AK8: variants seen among roughly 807,000 people sequenced by gnomAD.
AK8 encodes the protein ATP-AMP transphosphorylase 8.
A neutral mutation model predicts 54.6 loss-of-function variants in AK8; 44 were observed. That is an observed-to-expected ratio of 0.81 (90% CI 0.63 to 1.04). The LOEUF is 1.04. Among genes scored for constraint, AK8 ranks in the 50% least tolerant of loss-of-function variants. The probability of loss-of-function intolerance (pLI) is 0.00; values close to 1 mark genes in which losing one functional copy is unlikely to be tolerated. For missense variants in AK8, 555 were observed against 613.6 expected, an observed-to-expected ratio of 0.90 and a Z score of 1.01; for synonymous variants, 239 against 245.6, an observed-to-expected ratio of 0.97 and a Z score of 0.25.
At chr9:132,737,283 G>A (rs544624308) in intron 11 of AK8, among the ~76,000 whole-genome samples, 1 of 152,254 alleles carries the variant, frequency 6.6e-6, no homozygotes, top group African/African-American at 2.4e-5. Context: ...CATATAAACA[G>A]ATGGACAAAA....
intron 11 of AK8, among the ~76,000 whole-genome samples, chr9:132,782,497 C>T (rs1328698278): frequency 6.6e-6 from 1 of 152,146 alleles, no homozygotes; most frequent in Non-Finnish European, 1.5e-5. Context: ...TGACACCAGC[C>T]TGACCAACAT....
chr9:132,821,021 A>C (rs1841574164), intron 9 of AK8, among the ~76,000 whole-genome samples: 1 of 152,164 alleles, frequency 6.6e-6, no homozygotes, highest in Non-Finnish European at 1.5e-5. Context: ...CATGGCTCTT[A>C]GGTAACAAGC....
At chr9:132,809,784 C>T (rs1410138567) in intron 10 of AK8, among the ~76,000 whole-genome samples, 1 of 152,222 alleles carries the variant, frequency 6.6e-6, no homozygotes, top group Non-Finnish European at 1.5e-5. Flanking sequence ...GTGGGGTACA[C>T]CTGCAGGCTA....
Position 132,725,721 on chromosome 9 carries a change from C to T in AK8, c.1407G>A (p.Gly469=). The T allele has an allele frequency of 1.9e-6, 3 of 1,582,590 alleles. No homozygotes were observed. The highest frequency in any genetic ancestry group is 2.3e-5 in the East Asian group (1 of 44,006). The change falls in exon 13 of 13, where the codon GGG becomes GGA. Residue 469 remains glycine, a synonymous_variant. Transcript: ENST00000298545. ...TTTTCTTGGGCAGGGGATTAATGAT[C>T]CCACTCTCGATGTATTCGAAGACTG... ...PYTVFEYIES[G]IINPLPKKIP
At chr9:132,839,974 T>C (rs572663153) in intron 5 of AK8, among the ~76,000 whole-genome samples, 4 of 152,066 alleles carry the variant, frequency 2.6e-5, no homozygotes, top group Non-Finnish European at 5.9e-5. Flanking sequence ...CCCGCCACCA[T>C]GCCCACCTAA....
At chr9:132,746,589 G>C (rs550393257) in intron 11 of AK8, among the ~76,000 whole-genome samples, 106 of 152,352 alleles carry the variant, frequency 7.0e-4, no homozygotes, top group Non-Finnish European at 1.3e-3. Flanking sequence ...TCCGACTTGC[G>C]CAACAGGGAG....
chr9:132,762,569 C>T (rs1408926403), intron 11 of AK8, among the ~76,000 whole-genome samples: 3 of 152,048 alleles, frequency 2.0e-5, no homozygotes, highest in Non-Finnish European at 2.9e-5. Flanking sequence ...GGAGTGAGTC[C>T]TGGAGTTCAT....
chr9:132,827,873 A>G (rs1841938191), intron 7 of AK8, 140 bp downstream of exon 7: 3 of 781,682 alleles, frequency 3.8e-6, no homozygotes, highest in East Asian at 2.7e-5. Flanking sequence ...TCCAGCTCAG[A>G]GCCCAGCCTG....
At chr9:132,807,372 C>T (rs1840774835) in intron 10 of AK8, among the ~76,000 whole-genome samples, 1 of 152,238 alleles carries the variant, frequency 6.6e-6, no homozygotes. Flanking sequence ...CATGCAGTTC[C>T]AGCATGTTCC....
chr9:132,834,744 G>A (rs1165211030), intron 5 of AK8, among the ~76,000 whole-genome samples: 1 of 152,132 alleles, frequency 6.6e-6, no homozygotes, highest in Non-Finnish European at 1.5e-5. Context: ...TGATACATGC[G>A]TGGTATTTTT....
intron 11 of AK8, among the ~76,000 whole-genome samples, chr9:132,728,324 G>A (rs1364616141): frequency 2.0e-5 from 3 of 152,312 alleles, no homozygotes; most frequent in Non-Finnish European, 2.9e-5. Flanking sequence ...TGGGACTCCC[G>A]GGGATGGGGG....
At chr9:132,853,216 G>C (rs1174626441) in intron 5 of AK8, among the ~76,000 whole-genome samples, 1 of 151,762 alleles carries the variant, frequency 6.6e-6, no homozygotes, top group Non-Finnish European at 1.5e-5. Context: ...AAATAAGCCA[G>C]GCATGGTGAC....
In AK8 at chr9:132,866,968, G is replaced by C. The variant is rs769275774; in HGVS notation, c.170-15C>G. On this transcript the variant is annotated splice_polypyrimidine_tract_variant and intron_variant, in intron 2 of 12. Coordinates refer to ENST00000298545, the MANE Select transcript of AK8 (RefSeq NM_152572.3). Reference sequence around the variant, plus strand: ...AATCCTGGGCACTGTGGAATAAAAAGATTTGAATGTCACCACTCAACATGA... The same window carrying C: ...AATCCTGGGCACTGTGGAATAAAAACATTTGAATGTCACCACTCAACATGA... 6.2e-7 allele frequency: 1 copy of C among 1,613,746 alleles called. No homozygotes were observed. The highest frequency in any genetic ancestry group is 1.1e-5 in the South Asian group (1 of 91,068).
intron 11 of AK8, among the ~76,000 whole-genome samples, chr9:132,747,751 T>A (rs1230749080): frequency 6.6e-6 from 1 of 150,526 alleles, no homozygotes; most frequent in African/African-American, 2.5e-5. Context: ...TGTCTGGTTT[T>A]AATTTTTTAA....
chr9:132,832,375 A>T (rs376428082), intron 5 of AK8, among the ~76,000 whole-genome samples: 1 of 152,184 alleles, frequency 6.6e-6, no homozygotes, highest in Admixed American at 6.5e-5. Flanking sequence ...TCTTAGAAAG[A>T]GCAAACATCT....
At chr9:132,756,376 C>G (rs1285130319) in intron 11 of AK8, among the ~76,000 whole-genome samples, 1 of 152,252 alleles carries the variant, frequency 6.6e-6, no homozygotes, top group Non-Finnish European at 1.5e-5. Flanking sequence ...CTAGAGGCAC[C>G]TTGAGGTGTG....
At chr9:132,854,591 C>G (rs1035355591) in intron 5 of AK8, among the ~76,000 whole-genome samples, 2 of 152,234 alleles carry the variant, frequency 1.3e-5, no homozygotes, top group Admixed American at 6.5e-5. Context: ...CTGCGATTGT[C>G]CTGTCATTAA....
chr9:132,805,441 T>C (rs950164262), intron 10 of AK8, among the ~76,000 whole-genome samples: 50 of 152,352 alleles, frequency 3.3e-4, no homozygotes, highest in Admixed American at 2.8e-3. Flanking sequence ...CCCATTCTTC[T>C]TGGGGAGACA....
chr9:132,780,520 C>G (rs536374621), intron 11 of AK8, among the ~76,000 whole-genome samples: 7 of 152,348 alleles, frequency 4.6e-5, no homozygotes, highest in African/African-American at 1.7e-4. Flanking sequence ...GAGAAGAGAC[C>G]TGTCACTGCC....
Sources: allele counts gnomAD v4.1 joint callset (sites outside exome capture counted in the v4.1 genomes callset), GRCh38; gene constraint gnomAD v4.1.1; transcripts MANE v1.5; gene names NCBI Gene and HGNC (gene_info 2026-07-23, HGNC 2026-07-21).